The following OPCML variants were observed in gnomAD, a reference collection of about 807,000 sequenced individuals.
OPCML encodes the protein opioid-binding protein/cell adhesion molecule.
Under a neutral mutation model 37.8 loss-of-function variants are expected in OPCML, and 13 were observed. The ratio of observed to expected loss-of-function variants is 0.34; its 90% CI spans 0.22 to 0.55. The LOEUF (loss-of-function observed/expected upper bound fraction) is 0.55. Among genes scored for constraint, OPCML ranks in the 20% least tolerant of loss-of-function variants. The pLI is 0.91. For missense variants in OPCML, 341 were observed against 435.6 expected (o/e 0.78, Z 1.93); for synonymous variants, 176 against 168.8 (o/e 1.04, Z -0.33).
intron 2 of OPCML, among the ~76,000 whole-genome samples, chr11:132,746,123 A>G (rs1945627126): frequency 6.6e-6 from 1 of 151,414 alleles, no homozygotes; most frequent in Admixed American, 6.6e-5. Flanking sequence ...CTAACAGAAA[A>G]TTCCCTTGTC....
chr11:133,439,209 T>C lies in OPCML; in HGVS notation c.61+93055A>G, dbSNP rs550426776. On this transcript the variant is annotated intron_variant, in intron 1 of 7. Coordinates refer to ENST00000524381, the MANE Select transcript of OPCML (RefSeq NM_001012393.5). ...GTCTTGTGGGACTGAGCCCTTAACC[T>C]GCAGGTCCTATGCTAGCCCCAGGCA... 8 of 863,418 alleles carry C rather than the reference T, an allele frequency of 9.3e-6. No individual in the cohort carries two copies. In the South Asian group the frequency reaches 1.6e-4, roughly 17 times the overall value. 53.5% of individuals were successfully genotyped at this position (863,418 alleles called of 1,614,324 possible).
chr11:133,031,305 T>C (rs117541425), intron 1 of OPCML, among the ~76,000 whole-genome samples: 11,758 of 149,114 alleles, frequency 0.079, 728 homozygotes, highest in South Asian at 0.13. Flanking sequence ...GATGGATAGA[T>C]GGATGGGTGG....
chr11:132,631,634 T>TTTTTA (rs921108140), intron 3 of OPCML, among the ~76,000 whole-genome samples: 11 of 151,272 alleles, frequency 7.3e-5, no homozygotes, highest in African/African-American at 2.7e-4. Flanking sequence ...TAATTTTTTT[T>TTTTTA]TTTTATTTTT....
chr11:133,080,117 A>G (rs1203437643), intron 1 of OPCML, among the ~76,000 whole-genome samples: 1 of 152,212 alleles, frequency 6.6e-6, no homozygotes, highest in Non-Finnish European at 1.5e-5. Context: ...CATCCACAAC[A>G]GAGCCAGAAC....
intron 3 of OPCML, among the ~76,000 whole-genome samples, chr11:132,614,776 GA>G (rs1383022456): frequency 1.5e-4 from 23 of 152,228 alleles, no homozygotes; most frequent in Admixed American, 1.4e-3. Context: ...GTTCTTAAAA[GA>G]GGTTGTATCT....
chr11:132,714,386 A>T (rs571230691), intron 2 of OPCML, among the ~76,000 whole-genome samples: 8 of 152,202 alleles, frequency 5.3e-5, no homozygotes, highest in Non-Finnish European at 1.2e-4. Context: ...TTTCAATCTC[A>T]TGGAGATAAT....
intron 1 of OPCML, among the ~76,000 whole-genome samples, chr11:133,128,095 A>G (rs1949544445): frequency 6.6e-6 from 1 of 152,020 alleles, no homozygotes; most frequent in Non-Finnish European, 1.5e-5. Context: ...TGCTGTCCTT[A>G]GTCCTGATAC....
chr11:133,489,889 CACATACATATTTAT>C (rs1392430414), intron 1 of OPCML, among the ~76,000 whole-genome samples: 1 of 151,612 alleles, frequency 6.6e-6, no homozygotes, highest in Admixed American at 6.6e-5. Flanking sequence ...CATATACACA[CACATACATATTTAT>C]ACATACATAT....
chr11:132,640,990 G>T (rs1329675844), intron 3 of OPCML, among the ~76,000 whole-genome samples: 2 of 152,140 alleles, frequency 1.3e-5, no homozygotes, highest in African/African-American at 4.8e-5. Context: ...TCAGGAGAAG[G>T]CAAGCTGTCC....
intron 2 of OPCML, among the ~76,000 whole-genome samples, chr11:132,757,268 C>T (rs888396807): frequency 3.9e-5 from 6 of 152,164 alleles, no homozygotes; most frequent in African/African-American, 1.4e-4. Flanking sequence ...CATATGTGTG[C>T]ATGTGTCTTT....
chr11:133,371,862 C>T (rs1944682083), intron 1 of OPCML, among the ~76,000 whole-genome samples: 3 of 152,180 alleles, frequency 2.0e-5, no homozygotes, highest in Admixed American at 1.3e-4. Flanking sequence ...GAAATCATGT[C>T]ATTTGCAGCA....
intron 4 of OPCML, among the ~76,000 whole-genome samples, chr11:132,504,339 C>T (rs113099186): frequency 2.0e-5 from 3 of 152,136 alleles, no homozygotes; most frequent in Non-Finnish European, 4.4e-5. Flanking sequence ...ACAATACAAG[C>T]GCTGACTTGG....
intron 7 of OPCML, among the ~76,000 whole-genome samples, chr11:132,430,347 G>A (rs2095992444): frequency 6.6e-6 from 1 of 152,198 alleles, no homozygotes; most frequent in African/African-American, 2.4e-5. Flanking sequence ...CCCATGGGTG[G>A]GATGGTTTCC....
intron 2 of OPCML, among the ~76,000 whole-genome samples, chr11:132,812,645 G>C (rs989927958): frequency 6.6e-6 from 1 of 152,154 alleles, no homozygotes. Flanking sequence ...CCAACATTGA[G>C]AACTCAGCAA....
intron 1 of OPCML, chr11:133,362,207 C>T (rs1266234792): frequency 6.6e-6 from 1 of 152,300 alleles, no homozygotes. Context: ...AAAGGAGACT[C>T]GGGGTTAGAA....
intron 1 of OPCML, among the ~76,000 whole-genome samples, chr11:132,986,948 A>G (rs1368016468): frequency 6.6e-6 from 1 of 152,124 alleles, no homozygotes; most frequent in Non-Finnish European, 1.5e-5. Context: ...CCAAGCCAGC[A>G]CTCTGAGTGA....
At chr11:133,231,255 G>A (rs1396246186) in intron 1 of OPCML, among the ~76,000 whole-genome samples, 1 of 152,174 alleles carries the variant, frequency 6.6e-6, no homozygotes, top group African/African-American at 2.4e-5. Flanking sequence ...GATACAGCAA[G>A]TGACTCTCCT....
intron 1 of OPCML, among the ~76,000 whole-genome samples, chr11:133,272,932 G>A (rs943378041): frequency 1.3e-5 from 2 of 152,078 alleles, no homozygotes; most frequent in Admixed American, 6.6e-5. Context: ...GGAAAATTAC[G>A]GGCCTTCTTT....
At chr11:132,991,140 C>T (rs1946767436) in intron 1 of OPCML, among the ~76,000 whole-genome samples, 1 of 152,174 alleles carries the variant, frequency 6.6e-6, no homozygotes. Context: ...CTTCTTCACA[C>T]CTGCCAAAGC....
Sources: gnomAD v4.1 joint callset for allele counts (sites outside exome capture counted in the v4.1 genomes callset) on GRCh38, gnomAD v4.1.1 for gene constraint, MANE v1.5 for transcripts, NCBI Gene and HGNC (gene_info 2026-07-23, HGNC 2026-07-21) for gene names.